The following F13A1 variants were observed in gnomAD, a reference collection of about 807,000 sequenced individuals.
F13A1 encodes the protein coagulation factor XIII A chain.
A neutral mutation model predicts 80.1 loss-of-function variants in F13A1; 47 were observed. That is an observed-to-expected ratio of 0.59 (90% CI 0.46 to 0.75). The LOEUF is 0.75. Ranked by LOEUF, F13A1 falls within the 30% of genes least tolerant of loss-of-function variation. F13A1 has a pLI of 0.00. For synonymous variants in F13A1, 349 were observed against 344.9 expected (o/e 1.01, Z -0.13); for missense variants, 817 against 930.4 (o/e 0.88, Z 1.59).
Position 6,266,653 on chromosome 6 carries a change from C to T in F13A1, c.476G>A (p.Arg159His), listed in dbSNP as rs747218826. The change falls in exon 4 of 15, where the codon CGC (arginine) becomes CAC (histidine). Residue 159 changes from arginine (R) to histidine (H), a missense_variant. Arg to His is a conservative substitution (Grantham distance 29, BLOSUM62 0). Transcript: ENST00000264870. Reference protein sequence around the residue: ...SSPKCIVGKFRMYVAVWTPYG... With the variant: ...SSPKCIVGKFHMYVAVWTPYG... Reference sequence around the variant, plus strand: ...GGGAGTCCAGACAGCAACATACATGCGGAATTTCCCCACAATACATTTGGG... The same window carrying T: ...GGGAGTCCAGACAGCAACATACATGTGGAATTTCCCCACAATACATTTGGG... 3.3e-5 allele frequency: 54 copies of T among 1,614,090 alleles called. No homozygotes were observed. The highest frequency in any genetic ancestry group is 1.1e-4 in the East Asian group (5 of 44,898).
At position 6,266,469 on chromosome 6, in the gene F13A1, C is replaced by T. The variant is rs1757845542; in HGVS notation, c.571+89G>A. 1.9e-6 allele frequency: 3 copies of T among 1,603,124 alleles called. No individual in the cohort carries two copies. In the African/African-American group the frequency reaches 4.0e-5, roughly 21 times the overall value. On this transcript the variant is annotated intron_variant, in intron 4 of 14. Transcript: ENST00000264870. ...TCAAGCGATCCTCCCATCTTGGCCT[C>T]CCAAAGAGCTGGGAGTATAGGCATG...
chr6:6,249,898 T>C (rs1757607026), intron 5 of F13A1, among the ~76,000 whole-genome samples: 1 of 152,118 alleles, frequency 6.6e-6, no homozygotes, highest in Admixed American at 6.5e-5. Flanking sequence ...ACTGGGCATG[T>C]AATTCTCCGG....
chr6:6,320,459 A>C (rs1215505913), intron 1 of F13A1, 128 bp downstream of exon 1: 2 of 314,890 alleles, frequency 6.4e-6, no homozygotes, highest in Non-Finnish European at 1.3e-5. Flanking sequence ...GGATTGGGCA[A>C]GTGGAGCTGC....
intron 8 of F13A1, among the ~76,000 whole-genome samples, chr6:6,209,032 A>C (rs1399656768): frequency 2.6e-5 from 4 of 152,182 alleles, no homozygotes; most frequent in Non-Finnish European, 5.9e-5. Flanking sequence ...AAAGAACACC[A>C]TTAAGAAAGT....
chr6:6,298,878 G>A (rs1475672374), intron 3 of F13A1, among the ~76,000 whole-genome samples: 1 of 148,590 alleles, frequency 6.7e-6, no homozygotes, highest in Non-Finnish European at 1.5e-5. Context: ...ATTTTGCAGT[G>A]GCTGGTACTG....
At chr6:6,307,460 A>C (rs1467741777) in intron 2 of F13A1, among the ~76,000 whole-genome samples, 1 of 152,236 alleles carries the variant, frequency 6.6e-6, no homozygotes, top group Non-Finnish European at 1.5e-5. Context: ...AACCAGCCCA[A>C]GAATGAGCTG....
chr6:6,156,768 TTA>T (rs1436990974), intron 13 of F13A1, among the ~76,000 whole-genome samples: 2 of 152,222 alleles, frequency 1.3e-5, no homozygotes, highest in Non-Finnish European at 1.5e-5. Flanking sequence ...CTAGGGCTAT[TTA>T]TAATTAAATT....
At chr6:6,163,104 T>C (rs1435478453) in intron 13 of F13A1, among the ~76,000 whole-genome samples, 1 of 152,232 alleles carries the variant, frequency 6.6e-6, no homozygotes, top group East Asian at 1.9e-4. Context: ...CAGGAAGGGC[T>C]GTGGTCTCCT....
chr6:6,285,724 G>T (rs1758130659), intron 3 of F13A1, among the ~76,000 whole-genome samples: 1 of 152,240 alleles, frequency 6.6e-6, no homozygotes, highest in Non-Finnish European at 1.5e-5. Context: ...ACCATCAGGT[G>T]ACGGTCATTG....
At chr6:6,158,190 C>T (rs966171397) in intron 13 of F13A1, among the ~76,000 whole-genome samples, 3 of 152,074 alleles carry the variant, frequency 2.0e-5, no homozygotes, top group Non-Finnish European at 4.4e-5. Context: ...CTCTGATTTA[C>T]TCCACAAATA....
Position 6,260,684 on chromosome 6 carries a change from CTCTT to C in F13A1, c.571+5870_571+5873del, listed in dbSNP as rs368969913. 6.2e-3 allele frequency among the ~76,000 whole-genome samples: 946 copies of C among 152,264 alleles called. 3 individuals are homozygous for C. Among genetic ancestry groups the C allele is most frequent in the African/African-American group, 0.022 (899 of 41,542 alleles). On this transcript the variant is annotated intron_variant, in intron 4 of 14. Coordinates refer to ENST00000264870, the MANE Select transcript of F13A1 (RefSeq NM_000129.4). ...ACCACACAATAAGTGGGGAGATGAA[CTCTT>C]TCTCTCACTTCATTTAAAAAAATGG... is the stretch of plus-strand genomic sequence containing the variant.
At chr6:6,311,479 A>C (rs1358823119) in intron 2 of F13A1, among the ~76,000 whole-genome samples, 1 of 150,556 alleles carries the variant, frequency 6.6e-6, no homozygotes, top group African/African-American at 2.5e-5. Context: ...AAGGGTGAGA[A>C]AAAGGGTGCT....
At chr6:6,284,529 A>G (rs547822395) in intron 3 of F13A1, among the ~76,000 whole-genome samples, 1 of 152,306 alleles carries the variant, frequency 6.6e-6, no homozygotes, top group South Asian at 2.1e-4. Context: ...TAACCAAGCA[A>G]TAACAGCAGA....
chr6:6,224,995 C>T (rs1248703013), intron 6 of F13A1, 135 bp from the exon 7 acceptor site: 9 of 923,490 alleles, frequency 9.7e-6, no homozygotes, highest in East Asian at 5.2e-5. Flanking sequence ...CACTTCTGTT[C>T]GGTTTACCAT....
chr6:6,278,005 C>G (rs1188809274), intron 3 of F13A1, among the ~76,000 whole-genome samples: 1 of 152,194 alleles, frequency 6.6e-6, no homozygotes, highest in African/African-American at 2.4e-5. Flanking sequence ...TCCGGATAGT[C>G]ACTCTGCAGG....
chr6:6,288,313 T>G lies in F13A1; in HGVS notation c.319+17038A>C, dbSNP rs544919494. Reference sequence around the variant, plus strand: ...GACTTTGTACCCATTGATCAACATCTTCTTTTTCCTCATTCCTTGCCCCCA... The same window carrying G: ...GACTTTGTACCCATTGATCAACATCGTCTTTTTCCTCATTCCTTGCCCCCA... On this transcript the variant is annotated intron_variant, in intron 3 of 14. Transcript: ENST00000264870. Among the ~76,000 whole-genome samples the G allele has an allele frequency of 7.9e-5, 12 of 152,334 alleles. No individual in the cohort carries two copies. In the South Asian group the frequency reaches 2.1e-3, roughly 26 times the overall value.
intron 8 of F13A1, among the ~76,000 whole-genome samples, chr6:6,202,950 T>C (rs745935627): frequency 1.3e-5 from 2 of 152,238 alleles, no homozygotes; most frequent in Admixed American, 6.5e-5. Context: ...TCATAGTTTA[T>C]GTTGTGATTC....
chr6:6,154,436 A>G (rs1300572399), intron 13 of F13A1, among the ~76,000 whole-genome samples: 1 of 152,258 alleles, frequency 6.6e-6, no homozygotes, highest in Non-Finnish European at 1.5e-5. Context: ...GGCTGGATGC[A>G]TCTTTGTTGC....
At chr6:6,305,294 C>T in intron 3 of F13A1, 57 bp downstream of exon 3, 1 of 1,591,798 alleles carries the variant, frequency 6.3e-7, no homozygotes, top group Non-Finnish European at 8.6e-7. Context: ...CCTGTACCCA[C>T]CTCTCTCTAC....
Sources: gnomAD v4.1 joint callset for allele counts (sites outside exome capture counted in the v4.1 genomes callset) on GRCh38, gnomAD v4.1.1 for gene constraint, MANE v1.5 for transcripts, NCBI Gene and HGNC (gene_info 2026-07-23, HGNC 2026-07-21) for gene names.